NAT1: variants seen among roughly 807,000 people sequenced by gnomAD.
The protein encoded by NAT1 is N-acetyltransferase 1.
For missense variants in NAT1, 400 were observed against 339.2 expected, an observed-to-expected ratio of 1.18 and a Z score of -1.41; for synonymous variants, 144 against 122.6, an observed-to-expected ratio of 1.17 and a Z score of -1.16.
chr8:18,180,577 T>C (rs931017509), intron 2 of NAT1, among the ~76,000 whole-genome samples: 1 of 152,114 alleles, frequency 6.6e-6, no homozygotes, highest in Admixed American at 6.6e-5. Flanking sequence ...ATAAAATGAG[T>C]TTGAGTTCTA....
chr8:18,183,319 G>A (rs1434439473), intron 2 of NAT1, among the ~76,000 whole-genome samples: 1 of 152,108 alleles, frequency 6.6e-6, no homozygotes, highest in Non-Finnish European at 1.5e-5. Flanking sequence ...TTGGGGAAGG[G>A]GACAAACATT....
intron 2 of NAT1, among the ~76,000 whole-genome samples, chr8:18,187,378 C>A (rs185734521): frequency 1.2e-3 from 183 of 152,292 alleles, no homozygotes; most frequent in African/African-American, 4.3e-3. Context: ...AATTGCTCTA[C>A]CATAAAGACA....
At chr8:18,206,356 A>G (rs985882793), upstream of NAT1, among the ~76,000 whole-genome samples, 1 of 152,096 alleles carries the variant, frequency 6.6e-6, no homozygotes, top group African/African-American at 2.4e-5. Context: ...GGAGTATACC[A>G]GTCATCTCGG....
intron 2 of NAT1, among the ~76,000 whole-genome samples, chr8:18,192,823 C>T (rs1327377531): frequency 4.6e-5 from 7 of 150,772 alleles, no homozygotes; most frequent in Non-Finnish European, 1.5e-5. Flanking sequence ...GGGAACATCA[C>T]ACTCTGGGGA....
intron 1 of NAT1, among the ~76,000 whole-genome samples, chr8:18,211,812 GGAAAAGAAAAGAAAA>G (rs10539622): frequency 3.3e-5 from 5 of 150,314 alleles, no homozygotes; most frequent in African/African-American, 7.4e-5. Context: ...AGAAGGAATA[GGAAAAGAAAAGAAAA>G]GAAAAGAAAA....
intron 2 of NAT1, among the ~76,000 whole-genome samples, chr8:18,177,894 C>A (rs1044734492): frequency 6.6e-6 from 1 of 151,964 alleles, no homozygotes; most frequent in African/African-American, 2.4e-5. Context: ...CCTTAAGGAC[C>A]CTTCCAGTTT....
chr8:18,185,102 G>C (rs1463221494), intron 2 of NAT1, among the ~76,000 whole-genome samples: 4 of 145,626 alleles, frequency 2.7e-5, no homozygotes, highest in African/African-American at 1.1e-4. Flanking sequence ...TCAGTTTCAG[G>C]AGTGATTGTT....
chr8:18,179,933 T>A (rs1802445243), intron 2 of NAT1, among the ~76,000 whole-genome samples: 2 of 151,994 alleles, frequency 1.3e-5, no homozygotes, highest in Admixed American at 6.6e-5. Context: ...ATACAAAGAA[T>A]AATAGAGGAG....
In NAT1 at chr8:18,222,580, C is replaced by T; in HGVS notation, c.533C>T (p.Ser178Phe). Residue 178 changes from serine to phenylalanine, a missense_variant, in exon 3 of 3, where the codon TCT (serine) becomes TTT (phenylalanine). Ser to Phe is a radical substitution (Grantham distance 155). Transcript: ENST00000307719. ...QYIPNEEFLH[S>F]DLLEDSKYRK... ...ATTCCAAATGAAGAATTTCTTCATT[C>T]TGATCTCCTAGAAGACAGCAAATAC... The T allele has an allele frequency of 1.2e-6, 2 of 1,614,006 alleles. No homozygotes were observed. Among genetic ancestry groups the T allele is most frequent in the Non-Finnish European group, 1.7e-6 (2 of 1,179,944 alleles).
chr8:18,218,738 A>C (rs1218979404), intron 1 of NAT1, among the ~76,000 whole-genome samples: 1 of 152,124 alleles, frequency 6.6e-6, no homozygotes, highest in Admixed American at 6.6e-5. Flanking sequence ...TTCAGGAACC[A>C]AAAAGGGGGA....
intron 1 of NAT1, among the ~76,000 whole-genome samples, chr8:18,218,204 A>G (rs1347268119): frequency 6.6e-6 from 1 of 152,136 alleles, no homozygotes; most frequent in African/African-American, 2.4e-5. Context: ...CAACACTACT[A>G]GTACTAAATT....
intron 2 of NAT1, among the ~76,000 whole-genome samples, chr8:18,187,729 G>C (rs1411884077): frequency 6.6e-6 from 1 of 151,804 alleles, no homozygotes; most frequent in Non-Finnish European, 1.5e-5. Flanking sequence ...GAAAAAAACG[G>C]GATAAGGAAA....
intron 2 of NAT1, among the ~76,000 whole-genome samples, chr8:18,171,143 C>A (rs1802081823): frequency 6.6e-6 from 1 of 152,136 alleles, no homozygotes; most frequent in African/African-American, 2.4e-5. Context: ...TACAGGGAGG[C>A]CTCAGTCTGA....
At chr8:18,177,198 G>T (rs993823285) in intron 2 of NAT1, among the ~76,000 whole-genome samples, 1 of 151,850 alleles carries the variant, frequency 6.6e-6, no homozygotes, top group Admixed American at 6.6e-5. Flanking sequence ...CAATGAAAAA[G>T]AATTAACGCT....
intron 1 of NAT1, among the ~76,000 whole-genome samples, chr8:18,210,498 G>A (rs1417926965): frequency 6.6e-6 from 1 of 151,898 alleles, no homozygotes. Context: ...TTACTTAAAG[G>A]ACTTGTTGTG....
intron 2 of NAT1, among the ~76,000 whole-genome samples, chr8:18,220,466 A>T (rs1026598715): frequency 6.6e-6 from 1 of 152,230 alleles, no homozygotes; most frequent in African/African-American, 2.4e-5. Context: ...AGGTCTGTAC[A>T]GCACTGTTAC....
intron 2 of NAT1, among the ~76,000 whole-genome samples, chr8:18,181,470 G>T (rs1391341281): frequency 1.3e-5 from 2 of 152,104 alleles, no homozygotes; most frequent in Admixed American, 6.6e-5. Context: ...TTTTTGTGGA[G>T]TCCTTACGTT....
At chr8:18,197,247 G>A (rs981163391) in intron 2 of NAT1, among the ~76,000 whole-genome samples, 1 of 152,138 alleles carries the variant, frequency 6.6e-6, no homozygotes, top group African/African-American at 2.4e-5. Flanking sequence ...TGGGGACTCG[G>A]TCCCAAACCA....
intron 2 of NAT1, among the ~76,000 whole-genome samples, chr8:18,187,934 TAAACAC>T (rs1285400418): frequency 6.6e-5 from 4 of 60,508 alleles, no homozygotes; most frequent in Non-Finnish European, 1.5e-4. Context: ...TCTTGTATCT[TAAACAC>T]ACACACACAC....
Sources: gnomAD v4.1 joint callset for allele counts (sites outside exome capture counted in the v4.1 genomes callset) on GRCh38, gnomAD v4.1.1 for gene constraint, MANE v1.5 for transcripts, NCBI Gene and HGNC (gene_info 2026-07-23, HGNC 2026-07-21) for gene names.